SLC18B1: variants seen among roughly 807,000 people sequenced by gnomAD.
SLC18B1 encodes the protein solute carrier family 18 member B1, also known as MFS-type transporter SLC18B1.
A neutral mutation model predicts 53.9 loss-of-function variants in SLC18B1; 62 were observed. The ratio of observed to expected loss-of-function variants is 1.15; its 90% CI spans 0.94 to 1.42. SLC18B1 has a LOEUF of 1.42. Among genes scored for constraint, SLC18B1 ranks in the 40% most tolerant of loss-of-function variants. The pLI is 0.00. For synonymous variants in SLC18B1, 217 were observed against 200.9 expected (o/e 1.08, Z -0.68); for missense variants, 598 against 547.3 (o/e 1.09, Z -0.93).
chr6:132,792,225 C>CAAGAAAGAAAGAAAGAAAGAA (rs553756627), intron 2 of SLC18B1, among the ~76,000 whole-genome samples: 2 of 44,554 alleles, frequency 4.5e-5, no homozygotes, highest in African/African-American at 7.5e-5. Flanking sequence ...AAGACACTGT[C>CAAGAAAGAAAGAAAGAAAGAA]AGAAAGAAAG....
chr6:132,789,471 T>C (rs1781467953), intron 4 of SLC18B1: 1 of 253,752 alleles, frequency 3.9e-6, no homozygotes, highest in African/African-American at 2.2e-5. Flanking sequence ...CTGAAGCTAG[T>C]AAGTTTCCGT....
intron 13 of SLC18B1, 50 bp downstream of exon 13, chr6:132,770,840 G>T: frequency 6.7e-7 from 1 of 1,503,570 alleles, no homozygotes; most frequent in Non-Finnish European, 9.1e-7. Flanking sequence ...TTTTCCACTT[G>T]CACTGGCTAA....
At chr6:132,783,689 T>C (rs1350247037) in intron 6 of SLC18B1, among the ~76,000 whole-genome samples, 3 of 152,198 alleles carry the variant, frequency 2.0e-5, no homozygotes, top group African/African-American at 4.8e-5. Flanking sequence ...AAACCTCTCA[T>C]AGACATAGCG....
chr6:132,777,509 C>T (rs949055091), intron 7 of SLC18B1, among the ~76,000 whole-genome samples: 1 of 152,146 alleles, frequency 6.6e-6, no homozygotes, highest in Admixed American at 6.6e-5. Flanking sequence ...GTCAGGAGAT[C>T]GAGACCATCC....
At chr6:132,773,299 A>G (rs1185823291) in intron 9 of SLC18B1, among the ~76,000 whole-genome samples, 2 of 143,350 alleles carry the variant, frequency 1.4e-5, no homozygotes, top group East Asian at 4.1e-4. Context: ...GGTGGGGGGG[A>G]ATTCATCCTG....
At chr6:132,796,846 G>T in intron 2 of SLC18B1, 136 bp downstream of exon 2, 2 of 849,704 alleles carry the variant, frequency 2.4e-6, no homozygotes, top group Non-Finnish European at 3.3e-6. Flanking sequence ...TATTCTATTG[G>T]CTGGAGTTCT....
chr6:132,772,545 T>C (rs1781003375), intron 10 of SLC18B1, among the ~76,000 whole-genome samples: 1 of 152,178 alleles, frequency 6.6e-6, no homozygotes, highest in Admixed American at 6.5e-5. Context: ...AAAACAGAGA[T>C]AGTTCCTTAT....
chr6:132,770,533 C>T (rs1355314304), intron 13 of SLC18B1, among the ~76,000 whole-genome samples, 197 bp from the exon 14 acceptor site: 7 of 152,018 alleles, frequency 4.6e-5, no homozygotes, highest in African/African-American at 1.7e-4. Context: ...GTCAGGAGTT[C>T]GAGACCAGCC....
rs187956352 is a variant in SLC18B1 at position 132,781,479 on chromosome 6, C to A, written c.659-2075G>T. On this transcript the variant is annotated intron_variant, in intron 6 of 13. Coordinates refer to ENST00000275227, the MANE Select transcript of SLC18B1 (RefSeq NM_052831.3). ...TTTAGAAAAACTCCCCAGAAAAGGGCCGGGCACGGTGGCTCACATCTGTAA... is the reference window on the plus strand; with the variant it reads ...TTTAGAAAAACTCCCCAGAAAAGGGACGGGCACGGTGGCTCACATCTGTAA... Among the ~76,000 whole-genome samples, 442 of 152,210 alleles carry A rather than the reference C, an allele frequency of 2.9e-3. 1 individual carries two copies. The highest frequency in any genetic ancestry group is 4.9e-3 in the Non-Finnish European group (335 of 68,020).
intron 2 of SLC18B1, among the ~76,000 whole-genome samples, chr6:132,792,288 A>G (rs28733422): frequency 0.25 from 9,974 of 39,554 alleles, 1,647 homozygotes; most frequent in East Asian, 0.31. Flanking sequence ...AGAAAGGAAG[A>G]AAGGAAGGAA....
intron 2 of SLC18B1, among the ~76,000 whole-genome samples, chr6:132,796,194 CAA>C (rs11312283): frequency 5.6e-5 from 8 of 143,994 alleles, no homozygotes; most frequent in African/African-American, 1.8e-4. Context: ...TAAAACAATA[CAA>C]AAAAAAAAAT....
intron 4 of SLC18B1, among the ~76,000 whole-genome samples, chr6:132,788,175 G>GAAAAA (rs11326475): frequency 8.9e-6 from 1 of 112,108 alleles, no homozygotes; most frequent in East Asian, 2.8e-4. Flanking sequence ...AAAAGAAAAA[G>GAAAAA]AAAAAAAAAA....
At chr6:132,781,321 G>A (rs1395949040) in intron 6 of SLC18B1, among the ~76,000 whole-genome samples, 1 of 152,028 alleles carries the variant, frequency 6.6e-6, no homozygotes, top group Non-Finnish European at 1.5e-5. Flanking sequence ...ATGACTCCCT[G>A]GCTGACAAAG....
intron 8 of SLC18B1, among the ~76,000 whole-genome samples, chr6:132,776,083 C>G (rs1249795174): frequency 2.0e-5 from 3 of 152,166 alleles, no homozygotes; most frequent in Non-Finnish European, 4.4e-5. Flanking sequence ...AAAGGAAAGT[C>G]TAATCCAATT....
chr6:132,777,297 T>C (rs550246373), intron 7 of SLC18B1, among the ~76,000 whole-genome samples: 1 of 152,312 alleles, frequency 6.6e-6, no homozygotes, highest in South Asian at 2.1e-4. Context: ...GTAGGGCCTA[T>C]ACTACCTCCC....
chr6:132,789,880 G>A (rs111612831), intron 3 of SLC18B1, 43 bp from the exon 4 acceptor site: 319 of 1,378,438 alleles, frequency 2.3e-4, no homozygotes, highest in South Asian at 2.0e-3. Context: ...TATGACTTCC[G>A]AAAGTCTATA....
At chr6:132,788,548 T>C (rs967192988) in intron 4 of SLC18B1, among the ~76,000 whole-genome samples, 3 of 152,062 alleles carry the variant, frequency 2.0e-5, no homozygotes, top group African/African-American at 7.2e-5. Context: ...CAGCCGAGTG[T>C]GGTGGCTCAC....
At chr6:132,792,528 C>T (rs767753208) in intron 2 of SLC18B1, among the ~76,000 whole-genome samples, 1 of 151,974 alleles carries the variant, frequency 6.6e-6, no homozygotes, top group African/African-American at 2.4e-5. Context: ...ACTTATTAGA[C>T]CCTCATTATG....
At chr6:132,798,270 C>T (rs1781750647) in intron 1 of SLC18B1, 144 bp downstream of exon 1, 1 of 839,042 alleles carries the variant, frequency 1.2e-6, no homozygotes, top group African/African-American at 1.8e-5. Context: ...AAAAGAAACG[C>T]TGGCCCGAAC....
Sources: allele counts gnomAD v4.1 joint callset (sites outside exome capture counted in the v4.1 genomes callset), GRCh38; gene constraint gnomAD v4.1.1; transcripts MANE v1.5; gene names NCBI Gene and HGNC (gene_info 2026-07-23, HGNC 2026-07-21).